Variants in LDAH observed in about 807,000 individuals in gnomAD.
The protein encoded by LDAH is lipid droplet-associated hydrolase.
Under a neutral mutation model 29.6 loss-of-function variants are expected in LDAH, and 26 were observed. The ratio of observed to expected loss-of-function variants is 0.88; its 90% CI spans 0.64 to 1.22. The LOEUF is 1.22. Among genes scored for constraint, LDAH ranks in the 50% most tolerant of loss-of-function variants. The pLI is 0.00. For missense variants in LDAH, 344 were observed against 387.3 expected (o/e 0.89, Z 0.94); for synonymous variants, 117 against 133.0 (o/e 0.88, Z 0.83).
At chr2:20,711,372 G>A (rs1007086627) in intron 5 of LDAH, among the ~76,000 whole-genome samples, 15 of 150,342 alleles carry the variant, frequency 1.0e-4, no homozygotes, top group Admixed American at 5.9e-4. Context: ...GCGACAGAGC[G>A]AGAGTCCGTA....
chr2:20,691,391 G>A (rs1437057594), intron 6 of LDAH, among the ~76,000 whole-genome samples: 6 of 151,894 alleles, frequency 4.0e-5, no homozygotes, highest in Admixed American at 2.0e-4. Flanking sequence ...TTCCCAGGCT[G>A]GTCTCCAACT....
intron 2 of LDAH, among the ~76,000 whole-genome samples, chr2:20,794,182 A>T (rs1262506050): frequency 6.6e-6 from 1 of 152,016 alleles, no homozygotes; most frequent in Admixed American, 6.6e-5. Flanking sequence ...TGTGCAGGGG[A>T]ACTCCTCTTT....
chr2:20,786,369 T>C (rs1181566094), intron 3 of LDAH, among the ~76,000 whole-genome samples: 1 of 152,084 alleles, frequency 6.6e-6, no homozygotes, highest in Non-Finnish European at 1.5e-5. Flanking sequence ...TTTGTATTTT[T>C]AGTAGAGATG....
intron 2 of LDAH, among the ~76,000 whole-genome samples, chr2:20,799,097 G>A (rs1671494205): frequency 6.6e-6 from 1 of 151,884 alleles, no homozygotes; most frequent in Admixed American, 6.6e-5. Context: ...CATGGTGGCA[G>A]ACACCTGTAA....
chr2:20,808,631 C>A (rs1233492222), intron 1 of LDAH, among the ~76,000 whole-genome samples: 1 of 149,098 alleles, frequency 6.7e-6, no homozygotes. Context: ...GCACTCCAGC[C>A]TGCGCGATAG....
chr2:20,768,586 C>T (rs1168909239), intron 4 of LDAH, among the ~76,000 whole-genome samples: 3 of 152,176 alleles, frequency 2.0e-5, no homozygotes, highest in African/African-American at 7.2e-5. Flanking sequence ...TCCAGGCCGG[C>T]AGCATGAGCT....
chr2:20,807,941 A>G (rs1187331999), intron 1 of LDAH, among the ~76,000 whole-genome samples: 1 of 151,420 alleles, frequency 6.6e-6, no homozygotes, highest in Non-Finnish European at 1.5e-5. Flanking sequence ...AATGCAAAAA[A>G]AAAAAAACCC....
intron 5 of LDAH, among the ~76,000 whole-genome samples, chr2:20,711,930 T>A (rs1057495796): frequency 5.9e-5 from 9 of 152,214 alleles, no homozygotes; most frequent in Non-Finnish European, 2.9e-5. Flanking sequence ...GCTTGCTGCC[T>A]CTATAGACTC....
chr2:20,804,337 G>T (rs1015673871), intron 1 of LDAH, among the ~76,000 whole-genome samples: 1 of 151,862 alleles, frequency 6.6e-6, no homozygotes, highest in Non-Finnish European at 1.5e-5. Context: ...ACTCATAAAA[G>T]GTATAAACTT....
At chr2:20,807,702 T>G (rs1401817277) in intron 1 of LDAH, among the ~76,000 whole-genome samples, 1 of 151,942 alleles carries the variant, frequency 6.6e-6, no homozygotes, top group Non-Finnish European at 1.5e-5. Context: ...AATATGAAAT[T>G]CATTTTTTTC....
chr2:20,808,770 T>A (rs1037843122), intron 1 of LDAH, among the ~76,000 whole-genome samples: 1 of 150,910 alleles, frequency 6.6e-6, no homozygotes, highest in Non-Finnish European at 1.5e-5. Context: ...GAAGACAACA[T>A]AGACAAAACA....
chr2:20,788,543 T>TA (rs1179058143), intron 3 of LDAH, among the ~76,000 whole-genome samples: 1 of 152,226 alleles, frequency 6.6e-6, no homozygotes, highest in African/African-American at 2.4e-5. Context: ...ATCATGCATA[T>TA]ATAATAACGA....
At chr2:20,713,885 T>A (rs529584457) in intron 5 of LDAH, among the ~76,000 whole-genome samples, 3 of 152,074 alleles carry the variant, frequency 2.0e-5, no homozygotes, top group Non-Finnish European at 4.4e-5. Context: ...ATAAAGGAAG[T>A]CCTTAGAGAC....
At chr2:20,815,121 TACAAA>T (rs1672762086) in intron 1 of LDAH, among the ~76,000 whole-genome samples, 1 of 152,036 alleles carries the variant, frequency 6.6e-6, no homozygotes, top group Non-Finnish European at 1.5e-5. Flanking sequence ...CAAAAATAAT[TACAAA>T]ATAGAAAAAA....
downstream of LDAH, among the ~76,000 whole-genome samples, chr2:20,683,700 A>G (rs574054725): frequency 6.6e-6 from 1 of 152,334 alleles, no homozygotes; most frequent in African/African-American, 2.4e-5. Context: ...AGGGACTGAG[A>G]TACCACAGGG....
chr2:20,797,433 C>G (rs750881333), intron 2 of LDAH, among the ~76,000 whole-genome samples: 4 of 152,206 alleles, frequency 2.6e-5, no homozygotes, highest in Non-Finnish European at 5.9e-5. Flanking sequence ...ACACTGAAAG[C>G]TGGAAATCCG....
intron 5 of LDAH, among the ~76,000 whole-genome samples, chr2:20,711,724 A>G (rs1348295199): frequency 1.3e-5 from 2 of 152,238 alleles, no homozygotes; most frequent in Non-Finnish European, 2.9e-5. Flanking sequence ...ATGGCCCACC[A>G]GAAGATTACA....
chr2:20,723,591 C>A (rs1665815455), intron 5 of LDAH, among the ~76,000 whole-genome samples: 1 of 152,118 alleles, frequency 6.6e-6, no homozygotes, highest in Non-Finnish European at 1.5e-5. Flanking sequence ...AATTTCCTAT[C>A]TAAGCATATA....
rs1672610296 is a variant in LDAH at position 20,813,105 on chromosome 2, T to C, written c.-3+9932A>G. 2.6e-5 allele frequency among the ~76,000 whole-genome samples: 4 copies of C among 152,154 alleles called. No individual in the cohort carries two copies. The South Asian group carries it at 6.2e-4, about 24-fold the overall frequency. Reference sequence around the variant, plus strand: ...TTTTAAAATTCTACTTATATGCATATATATAATTTCACTTATATGGATAAA... The same window carrying C: ...TTTTAAAATTCTACTTATATGCATACATATAATTTCACTTATATGGATAAA... On this transcript the variant is annotated intron_variant, in intron 1 of 6. Transcript: ENST00000237822.
Sources: allele counts gnomAD v4.1 joint callset (sites outside exome capture counted in the v4.1 genomes callset), GRCh38; gene constraint gnomAD v4.1.1; transcripts MANE v1.5; gene names NCBI Gene and HGNC (gene_info 2026-07-23, HGNC 2026-07-21).